CHL1: variants seen among roughly 807,000 people sequenced by gnomAD.
CHL1 encodes cell adhesion molecule L1 like.
CHL1 carries 96 observed loss-of-function variants against 141.9 expected under a neutral mutation model. That is an observed-to-expected ratio of 0.68 (90% CI 0.57 to 0.80). The LOEUF (loss-of-function observed/expected upper bound fraction) is 0.80. CHL1 is among the 30% of genes least tolerant of loss of function. The pLI, the probability that CHL1 is intolerant of heterozygous loss-of-function variation, is 0.00. For synonymous variants in CHL1, 613 were observed against 502.2 expected (o/e 1.22, Z -2.95); for missense variants, 1,820 against 1,457.2 (o/e 1.25, Z -4.05).
At chr3:284,346 G>C (rs1204393733) in intron 2 of CHL1, among the ~76,000 whole-genome samples, 1 of 152,142 alleles carries the variant, frequency 6.6e-6, no homozygotes, top group Non-Finnish European at 1.5e-5. Flanking sequence ...ATTTCTTATA[G>C]CATATGAGGT....
At chr3:389,107 C>G (rs1234231898) in intron 19 of CHL1, 145 bp from the exon 20 acceptor site, 6 of 696,448 alleles carry the variant, frequency 8.6e-6, no homozygotes, top group South Asian at 1.9e-5. Flanking sequence ...TCACAACTGT[C>G]TCTAAACCAA....
intron 15 of CHL1, among the ~76,000 whole-genome samples, chr3:370,470 A>G (rs781640252): frequency 6.7e-6 from 1 of 148,342 alleles, no homozygotes; most frequent in Non-Finnish European, 1.5e-5. Context: ...TATTGTGTCT[A>G]TTTGATACTT....
intron 11 of CHL1, among the ~76,000 whole-genome samples, chr3:358,774 T>C (rs986844104): frequency 6.6e-6 from 1 of 151,884 alleles, no homozygotes; most frequent in South Asian, 2.1e-4. Flanking sequence ...CAATATGTAG[T>C]ATTCATGTTT....
At chr3:246,185 C>A (rs1022871432) in intron 2 of CHL1, among the ~76,000 whole-genome samples, 4 of 151,928 alleles carry the variant, frequency 2.6e-5, no homozygotes. Flanking sequence ...AAATACAATA[C>A]CCAGGGTATT....
chr3:380,809 A>C (rs1706936809), intron 16 of CHL1, among the ~76,000 whole-genome samples: 1 of 152,212 alleles, frequency 6.6e-6, no homozygotes, highest in Non-Finnish European at 1.5e-5. Context: ...TTATTGCTTT[A>C]ATATAATAAT....
In CHL1 at chr3:310,783, T is replaced by C. The variant is rs181652935; in HGVS notation, c.-94-8900T>C. Among the ~76,000 whole-genome samples the C allele has an allele frequency of 2.0e-5, 3 of 152,336 alleles. No homozygotes were observed. The East Asian group carries it at 5.8e-4, about 29-fold the overall frequency. ...GTTTACATTCGGGTTTCTTTTGGTGTATACATTCTACGGGTTTTGACAAAG... is the reference window on the plus strand; with the variant it reads ...GTTTACATTCGGGTTTCTTTTGGTGCATACATTCTACGGGTTTTGACAAAG... On this transcript the variant is annotated intron_variant, in intron 2 of 27. Coordinates refer to ENST00000256509, the MANE Select transcript of CHL1 (RefSeq NM_006614.4).
chr3:365,836 C>G (rs1704809454), intron 14 of CHL1, 114 bp from the exon 15 acceptor site: 1 of 701,554 alleles, frequency 1.4e-6, no homozygotes, highest in East Asian at 2.9e-5. Flanking sequence ...GGGACAAACC[C>G]TGCATGAGGA....
chr3:223,808 G>T (rs1701080404), intron 1 of CHL1, among the ~76,000 whole-genome samples: 1 of 152,144 alleles, frequency 6.6e-6, no homozygotes, highest in Admixed American at 6.5e-5. Flanking sequence ...GCTAGGGAAT[G>T]GGAAATGCTG....
chr3:339,128 C>A (rs3773406), intron 5 of CHL1, among the ~76,000 whole-genome samples: 20,177 of 152,156 alleles, frequency 0.13, 1,780 homozygotes, highest in East Asian at 0.39. Context: ...AACTACCCAA[C>A]AGCACCACTG....
chr3:275,134 T>A (rs929213730), intron 2 of CHL1, among the ~76,000 whole-genome samples: 2 of 152,260 alleles, frequency 1.3e-5, no homozygotes, highest in African/African-American at 4.8e-5. Flanking sequence ...ACCTATTTAC[T>A]AGTGATGAAA....
intron 2 of CHL1, among the ~76,000 whole-genome samples, chr3:251,275 C>A (rs3872656): frequency 0.45 from 67,689 of 151,916 alleles, 15,347 homozygotes; most frequent in South Asian, 0.64. Context: ...TAGTCCACCT[C>A]TCAGGCAGAG....
chr3:289,993 A>G (rs1412354773), intron 2 of CHL1, among the ~76,000 whole-genome samples: 2 of 129,030 alleles, frequency 1.6e-5, no homozygotes, highest in East Asian at 2.3e-4. Context: ...GGAGTGCAGT[A>G]TACTCACAGT....
At chr3:360,522 G>T in intron 12 of CHL1, 98 bp downstream of exon 12, 1 of 1,205,960 alleles carries the variant, frequency 8.3e-7, no homozygotes, top group Non-Finnish European at 1.2e-6. Context: ...CATAATATAT[G>T]GAGGGAAAAA....
chr3:373,874 C>A (rs1405709391), intron 15 of CHL1: 1 of 152,312 alleles, frequency 6.6e-6, no homozygotes, highest in Non-Finnish European at 1.5e-5. Context: ...TCAGGTGGAC[C>A]ACTGCACCAC....
At chr3:319,460 G>A (rs1260081361) in intron 2 of CHL1, among the ~76,000 whole-genome samples, 1 of 151,630 alleles carries the variant, frequency 6.6e-6, no homozygotes, top group East Asian at 1.9e-4. Context: ...AGGATTTTTT[G>A]GAATAGTCTG....
chr3:210,811 GAC>G (rs1402620702), intron 1 of CHL1, among the ~76,000 whole-genome samples: 1 of 152,128 alleles, frequency 6.6e-6, no homozygotes, highest in Non-Finnish European at 1.5e-5. Flanking sequence ...TCCCCCTCCC[GAC>G]ACTTCCTAGA....
chr3:307,557 G>A (rs1160764791), intron 2 of CHL1, among the ~76,000 whole-genome samples: 1 of 152,190 alleles, frequency 6.6e-6, no homozygotes, highest in Non-Finnish European at 1.5e-5. Flanking sequence ...ATGAAATTGT[G>A]TTTAGGCTGT....
At chr3:240,778 TAGG>T (rs4003417) in intron 1 of CHL1, among the ~76,000 whole-genome samples, 69,112 of 151,846 alleles carry the variant, frequency 0.46, 17,260 homozygotes, top group Non-Finnish European at 0.55. Context: ...TTGTATAAGG[TAGG>T]AGATGAGGAT....
intron 1 of CHL1, among the ~76,000 whole-genome samples, chr3:227,655 A>C (rs2055315): frequency 0.45 from 68,905 of 152,088 alleles, 16,960 homozygotes; most frequent in Non-Finnish European, 0.54. Flanking sequence ...ATGAAATGTC[A>C]GCTTTCTTTA....
Sources: gnomAD v4.1 joint callset for allele counts (sites outside exome capture counted in the v4.1 genomes callset) on GRCh38, gnomAD v4.1.1 for gene constraint, MANE v1.5 for transcripts, NCBI Gene and HGNC (gene_info 2026-07-23, HGNC 2026-07-21) for gene names.